ASB12: variants seen among roughly 807,000 people sequenced by gnomAD.
ASB12 encodes ankyrin repeat and SOCS box containing 12.
Under a neutral mutation model 13.7 loss-of-function variants are expected in ASB12, and 17 were observed. That is an observed-to-expected ratio of 1.24 (90% CI 0.85 to 1.86). The LOEUF (loss-of-function observed/expected upper bound fraction) is 1.86, where lower values mean the gene tolerates loss of function less well. ASB12 is among the 40% of genes most tolerant of loss of function. ASB12 has a pLI of 0.00. For missense variants in ASB12, 329 were observed against 250.5 expected, an observed-to-expected ratio of 1.31 and a Z score of -2.11; for synonymous variants, 107 against 99.8, an observed-to-expected ratio of 1.07 and a Z score of -0.43.
In ASB12 at chrX:64,225,326, G is replaced by A. The variant is rs146601414; in HGVS notation, c.325C>T (p.Pro109Ser). The A allele has an allele frequency of 4.4e-5, 53 of 1,207,210 alleles. No homozygotes were observed. The highest frequency in any genetic ancestry group is 2.0e-4 in the South Asian group (11 of 56,087). ...CCATGACTGACAGCAGTGAAAAGTG[G>A]CGTCTGTGCCTTGACATCCAAGCTG... ...VDSLDVKAQT[P>S]LFTAVSHGHL... Residue 109 changes from proline to serine, a missense_variant, in exon 2 of 3, where the codon CCA (proline) becomes TCA (serine). Pro to Ser is a moderately conservative substitution (Grantham distance 74). Transcript: ENST00000362002.
At chrX:64,228,873 T>C (rs909012181) in intron 1 of ASB12, among the ~76,000 whole-genome samples, 10 of 111,962 alleles carry the variant, frequency 8.9e-5, no homozygotes, top group Non-Finnish European at 1.7e-4. Context: ...CCTGTGCTTT[T>C]CAAAGCAATT....
intron 1 of ASB12, among the ~76,000 whole-genome samples, chrX:64,229,188 G>T (rs1475446612): frequency 5.4e-5 from 6 of 111,748 alleles, no homozygotes; most frequent in Admixed American, 9.5e-5. Flanking sequence ...TCTGATAACT[G>T]GTAGGAATTC....
intron 1 of ASB12, among the ~76,000 whole-genome samples, chrX:64,227,880 G>T (rs1930978137): frequency 8.9e-6 from 1 of 111,804 alleles, no homozygotes; most frequent in African/African-American, 3.3e-5. Context: ...ATCCCATCAA[G>T]TCCTGTGGAT....
chrX:64,229,005 C>T (rs1452548360), intron 1 of ASB12, among the ~76,000 whole-genome samples: 2 of 110,852 alleles, frequency 1.8e-5, no homozygotes, highest in Non-Finnish European at 3.8e-5. Flanking sequence ...AAATAGAATC[C>T]AGGTTTCTCT....
intron 2 of ASB12, among the ~76,000 whole-genome samples, 159 bp from the exon 3 acceptor site, chrX:64,224,627 G>A (rs1194499672): frequency 9.0e-6 from 1 of 110,565 alleles, no homozygotes; most frequent in Non-Finnish European, 1.9e-5. Context: ...TTGGGCTAAT[G>A]CTCCCCACCC....
chrX:64,225,770 T>C (rs1187889270), intron 1 of ASB12, 96 bp from the exon 2 acceptor site: 13 of 961,024 alleles, frequency 1.4e-5, no homozygotes, highest in Non-Finnish European at 1.7e-5. Flanking sequence ...ACCATCAGGC[T>C]ACTCATTCAT....
chrX:64,229,683 A>G (rs1295709269), intron 1 of ASB12, among the ~76,000 whole-genome samples: 1 of 112,178 alleles, frequency 8.9e-6, no homozygotes, highest in Non-Finnish European at 1.9e-5. Context: ...ATAGTAAGAG[A>G]TGTTCTTTAG....
At chrX:64,229,770 G>T (rs776632871) in intron 1 of ASB12, among the ~76,000 whole-genome samples, 4 of 112,343 alleles carry the variant, frequency 3.6e-5, no homozygotes, top group Non-Finnish European at 7.5e-5. Context: ...TGCCACAACT[G>T]TAATATGATA....
In ASB12 at chrX:64,224,335, T is replaced by C. The variant is rs1424241852; in HGVS notation, c.957A>G (p.Ter319=). 2 of 1,210,635 alleles carry C rather than the reference T, an allele frequency of 1.7e-6. No individual in the cohort carries two copies. The highest frequency in any genetic ancestry group is 1.1e-6 in the Non-Finnish European group (1 of 894,813). ...ATAAGTTCCTGGGGAGACTGCAAGA[T>C]TACAGTTGGTGTTTTAGGTAGCTAA... ...MLISYLKHQL[*] The change falls in exon 3 of 3, where the codon TAA becomes TAG. Residue 319 remains the stop codon, a stop_retained_variant. Transcript: ENST00000362002.
chrX:64,226,189 C>T lies in ASB12; in HGVS notation c.-24-515G>A, dbSNP rs768135121. 2.9e-3 allele frequency among the ~76,000 whole-genome samples: 326 copies of T among 112,381 alleles called. 1 individual carries two copies. Among genetic ancestry groups the T allele is most frequent in the African/African-American group, 0.01 (314 of 30,956 alleles). On this transcript the variant is annotated intron_variant, in intron 1 of 2. Coordinates refer to ENST00000362002, the MANE Select transcript of ASB12 (RefSeq NM_130388.4). ...CGCTGGCTAAGCCAATAGAACCATA[C>T]TTTGTGGTGTCAAGTTGCCATCCCT... is the stretch of plus-strand genomic sequence containing the variant.
At position 64,224,248 on chromosome X, in the gene ASB12, A is replaced by T; in HGVS notation, c.*87T>A. On this transcript the variant is annotated 3_prime_UTR_variant, in exon 3 of 3. Coordinates refer to ENST00000362002, the MANE Select transcript of ASB12 (RefSeq NM_130388.4). Reference sequence around the variant, plus strand: ...ATAATACAGGAGAGCAGCTCCAGGTAAGTGGATGAGGCTGTAATGCTCTCC... The same window carrying T: ...ATAATACAGGAGAGCAGCTCCAGGTTAGTGGATGAGGCTGTAATGCTCTCC... 1 of 1,013,720 alleles carries T rather than the reference A, an allele frequency of 9.9e-7. No homozygotes were observed. Among genetic ancestry groups the T allele is most frequent in the Non-Finnish European group, 1.4e-6 (1 of 726,177 alleles). The allele number at this position is 1,013,720 out of a possible 1,213,427, so 83.5% of individuals were successfully genotyped here.
chrX:64,228,809 A>G (rs1930999104), intron 1 of ASB12, among the ~76,000 whole-genome samples: 1 of 111,824 alleles, frequency 8.9e-6, no homozygotes, highest in Non-Finnish European at 1.9e-5. Context: ...GTAAGGTCAC[A>G]TGGTTGTTAT....
intron 1 of ASB12, chrX:64,226,565 C>T (rs1930955116): frequency 2.3e-5 from 5 of 219,187 alleles, no homozygotes; most frequent in Non-Finnish European, 3.3e-5. Context: ...AACACTGGCT[C>T]CCCATTCCTC....
intron 1 of ASB12, among the ~76,000 whole-genome samples, chrX:64,226,944 A>G (rs1462390129): frequency 9.1e-6 from 1 of 110,389 alleles, no homozygotes; most frequent in Non-Finnish European, 1.9e-5. Context: ...GGGTCACCCT[A>G]AACTTTAGGC....
chrX:64,229,418 C>T (rs888406438), intron 1 of ASB12, among the ~76,000 whole-genome samples: 4 of 111,882 alleles, frequency 3.6e-5, no homozygotes, highest in African/African-American at 1.3e-4. Context: ...ATCCAGCTAG[C>T]CTGTTGTCTT....
rs780456811 is a variant in ASB12, at chrX:64,224,893, G to C, written c.758C>G (p.Pro253Arg). 2.5e-6 allele frequency: 3 copies of C among 1,208,510 alleles called. No homozygotes were observed. The South Asian group carries it at 5.3e-5, about 21-fold the overall frequency. The stretch of plus-strand genomic sequence containing the variant: ...TGAGGTCAGGTCAAGGGAGAGAGAT[G>C]GAAGGTAGATATTAGCACCAAAATC... ...LIDFGANIYLPSLSLDLTSQD... is the reference protein window; with the variant it reads ...LIDFGANIYLRSLSLDLTSQD... The change falls in exon 2 of 3, where the codon CCA becomes CGA. Residue 253 changes from proline (P) to arginine (R), a missense_variant. Transcript: ENST00000362002.
rs1569197874 is a variant in ASB12 at position 64,224,337 on chromosome X, A to G, written c.955T>C (p.Ter319GlnextTer9). The G allele has an allele frequency of 8.3e-7, 1 of 1,210,640 alleles. No homozygotes were observed. Among genetic ancestry groups the G allele is most frequent in the Non-Finnish European group, 1.1e-6 (1 of 894,765 alleles). Residue 319 changes from the stop codon to glutamine, a stop_lost, in exon 3 of 3, where the codon TAA becomes CAA. Coordinates refer to ENST00000362002, the MANE Select transcript of ASB12 (RefSeq NM_130388.4). ...AAGTTCCTGGGGAGACTGCAAGATT[A>G]CAGTTGGTGTTTTAGGTAGCTAATC... ...MLISYLKHQL[*>Q] is the part of the protein sequence containing the mutation.
At chrX:64,226,524 C>A (rs940426169) in intron 1 of ASB12, among the ~76,000 whole-genome samples, 1 of 112,078 alleles carries the variant, frequency 8.9e-6, no homozygotes, top group Non-Finnish European at 1.9e-5. Flanking sequence ...TCCCCCAGGA[C>A]CAATTTAATC....
intron 1 of ASB12, among the ~76,000 whole-genome samples, chrX:64,229,209 A>G (rs1382111403): frequency 9.0e-6 from 1 of 111,610 alleles, no homozygotes; most frequent in East Asian, 2.8e-4. Context: ...CCTCCTTAAT[A>G]TTTTATTTTG....
Sources: gnomAD v4.1 joint callset for allele counts (sites outside exome capture counted in the v4.1 genomes callset) on GRCh38, gnomAD v4.1.1 for gene constraint, MANE v1.5 for transcripts, NCBI Gene and HGNC (gene_info 2026-07-23, HGNC 2026-07-21) for gene names.